LRRFIP2: variants seen among roughly 807,000 people sequenced by gnomAD.
The protein encoded by LRRFIP2 is LRR binding FLII interacting protein 2, also known as leucine-rich repeat flightless-interacting protein 2.
LRRFIP2 carries 109 observed loss-of-function variants against 125.9 expected under a neutral mutation model. The ratio of observed to expected loss-of-function variants is 0.87; its 90% confidence interval spans 0.74 to 1.01. LRRFIP2 has a LOEUF of 1.01. LRRFIP2 is among the 50% of genes least tolerant of loss of function. LRRFIP2 has a pLI of 0.00. For synonymous variants in LRRFIP2, 291 were observed against 293.1 expected (o/e 0.99, Z 0.07); for missense variants, 850 against 862.3 (o/e 0.99, Z 0.18).
chr3:37,117,515 G>A (rs1032185840), intron 6 of LRRFIP2, among the ~76,000 whole-genome samples: 1 of 152,012 alleles, frequency 6.6e-6, no homozygotes, highest in Non-Finnish European at 1.5e-5. Flanking sequence ...TTCATCAAAG[G>A]AGGTAAAAGT....
intron 2 of LRRFIP2, among the ~76,000 whole-genome samples, chr3:37,142,613 G>A (rs2095740624): frequency 6.6e-6 from 1 of 152,110 alleles, no homozygotes; most frequent in Non-Finnish European, 1.5e-5. Context: ...TGCATTCTGG[G>A]AAACTTCATA....
chr3:37,080,615 A>G (rs1409845670), intron 19 of LRRFIP2, among the ~76,000 whole-genome samples: 1 of 152,056 alleles, frequency 6.6e-6, no homozygotes, highest in East Asian at 1.9e-4. Flanking sequence ...CTGAAGTTAT[A>G]TTTGATTAAG....
chr3:37,080,821 A>G (rs746957812), intron 19 of LRRFIP2, among the ~76,000 whole-genome samples: 4 of 152,188 alleles, frequency 2.6e-5, no homozygotes, highest in Non-Finnish European at 5.9e-5. Context: ...AGATTTATCA[A>G]CTCATTCTAA....
Position 37,110,884 on chromosome 3 carries a change from C to T in LRRFIP2, c.513+107G>A, listed in dbSNP as rs564788091. ...TTCAGTTACCAAAAACTAGTATATACGTAGCCATTTACAGATTAGTTACAG... is the reference window on the plus strand; with the variant it reads ...TTCAGTTACCAAAAACTAGTATATATGTAGCCATTTACAGATTAGTTACAG... On this transcript the variant is annotated intron_variant, in intron 9 of 27. Transcript: ENST00000336686. The T allele has an allele frequency of 1.2e-5, 11 of 905,306 alleles. No homozygotes were observed. The East Asian group carries it at 2.1e-4, about 17-fold the overall frequency. The allele number at this position is 905,306 out of a possible 1,614,324, so 56.1% of individuals were successfully genotyped here.
intron 19 of LRRFIP2, among the ~76,000 whole-genome samples, chr3:37,083,233 T>C (rs985859301): frequency 1.3e-5 from 2 of 152,164 alleles, no homozygotes; most frequent in African/African-American, 4.8e-5. Flanking sequence ...ATTTAGAAAA[T>C]GGATTCTCTT....
chr3:37,078,159 AATG>A (rs919635412), intron 19 of LRRFIP2, among the ~76,000 whole-genome samples: 96 of 152,270 alleles, frequency 6.3e-4, no homozygotes, highest in African/African-American at 2.2e-3. Flanking sequence ...CATGTTTTTT[AATG>A]ATAATTAAAT....
At chr3:37,077,365 G>A (rs933769117) in intron 19 of LRRFIP2, among the ~76,000 whole-genome samples, 2 of 152,142 alleles carry the variant, frequency 1.3e-5, no homozygotes, top group African/African-American at 4.8e-5. Context: ...GAATGAGCAA[G>A]ATATCTCTAT....
At chr3:37,119,995 A>T (rs920091279) in intron 6 of LRRFIP2, among the ~76,000 whole-genome samples, 5 of 151,950 alleles carry the variant, frequency 3.3e-5, no homozygotes, top group Middle Eastern at 3.2e-3. Flanking sequence ...AAAACAAAGT[A>T]CTATATCTCC....
intron 15 of LRRFIP2, 129 bp downstream of exon 15, chr3:37,102,795 C>G (rs1444897585): frequency 1.4e-5 from 9 of 636,750 alleles, no homozygotes; most frequent in Admixed American, 3.3e-5. Context: ...AGCCACCATG[C>G]CCGGCCCAAA....
intron 14 of LRRFIP2, among the ~76,000 whole-genome samples, chr3:37,105,072 T>C (rs1286368880): frequency 6.6e-6 from 1 of 152,214 alleles, no homozygotes; most frequent in Non-Finnish European, 1.5e-5. Context: ...AGAAAGCAAT[T>C]AATGGTAACA....
chr3:37,140,183 A>C (rs1311738645), intron 2 of LRRFIP2: 1 of 152,154 alleles, frequency 6.6e-6, no homozygotes, highest in Non-Finnish European at 1.5e-5. Flanking sequence ...AAATGTTAAT[A>C]TAACCAAAGT....
At chr3:37,167,320 T>C (rs1056605446) in intron 1 of LRRFIP2, among the ~76,000 whole-genome samples, 3 of 152,162 alleles carry the variant, frequency 2.0e-5, no homozygotes, top group East Asian at 3.8e-4. Context: ...TTAGAGATTT[T>C]ATTTTAAAAA....
chr3:37,166,331 T>C (rs1441173589), intron 1 of LRRFIP2, among the ~76,000 whole-genome samples: 1 of 148,180 alleles, frequency 6.7e-6, no homozygotes, highest in Admixed American at 6.7e-5. Flanking sequence ...CATCTTAAAA[T>C]AACATAACAT....
At chr3:37,061,762 C>T (rs972003533) in intron 24 of LRRFIP2, among the ~76,000 whole-genome samples, 4 of 152,174 alleles carry the variant, frequency 2.6e-5, no homozygotes, top group African/African-American at 7.2e-5. Flanking sequence ...TAACCCACCT[C>T]CCTTCCAAGG....
chr3:37,055,228 G>T, intron 25 of LRRFIP2, 63 bp from the exon 26 acceptor site: 1 of 974,160 alleles, frequency 1.0e-6, no homozygotes, highest in Non-Finnish European at 1.6e-6. Flanking sequence ...GAGCCATCAG[G>T]CAGTACCTCT....
At chr3:37,083,265 A>G (rs2092782924) in intron 19 of LRRFIP2, among the ~76,000 whole-genome samples, 1 of 152,042 alleles carries the variant, frequency 6.6e-6, no homozygotes, top group South Asian at 2.1e-4. Context: ...AAGTTCATAG[A>G]AAAAAAATGA....
chr3:37,102,377 T>C (rs773897406), intron 15 of LRRFIP2, among the ~76,000 whole-genome samples: 5 of 152,130 alleles, frequency 3.3e-5, no homozygotes, highest in Non-Finnish European at 7.4e-5. Context: ...CAGATGCTGA[T>C]GGGTTCTATG....
intron 6 of LRRFIP2, among the ~76,000 whole-genome samples, chr3:37,116,716 A>G (rs1337673226): frequency 6.6e-6 from 1 of 152,200 alleles, no homozygotes; most frequent in East Asian, 1.9e-4. Flanking sequence ...ATAATAGTTC[A>G]GTCAGAATAA....
chr3:37,079,599 T>TA lies in LRRFIP2; in HGVS notation c.1278+4036dup, dbSNP rs1481879594. Among the ~76,000 whole-genome samples, 6 of 152,136 alleles carry TA rather than the reference T, an allele frequency of 3.9e-5. No individual in the cohort carries two copies. The East Asian group carries it at 7.7e-4, about 20-fold the overall frequency. On this transcript the variant is annotated intron_variant, in intron 19 of 27. Coordinates refer to ENST00000336686, the MANE Select transcript of LRRFIP2 (RefSeq NM_006309.4). Reference sequence around the variant, plus strand: ...TAGAATAAAAAAGAAAAAGAAAACTTACGTCCAAAAAACAACCTGTATACA... The same window carrying TA: ...TAGAATAAAAAAGAAAAAGAAAACTTAACGTCCAAAAAACAACCTGTATACA...
Sources: allele counts gnomAD v4.1 joint callset (sites outside exome capture counted in the v4.1 genomes callset), GRCh38; gene constraint gnomAD v4.1.1; transcripts MANE v1.5; gene names NCBI Gene and HGNC (gene_info 2026-07-23, HGNC 2026-07-21).